TRAF3IP1: variants seen among roughly 807,000 people sequenced by gnomAD.
The protein encoded by TRAF3IP1 is intraflagellar transport 54.
TRAF3IP1 carries 53 observed loss-of-function variants against 89.9 expected under a neutral mutation model. The observed-to-expected ratio is 0.59, with a 90% CI of 0.47 to 0.74. TRAF3IP1 has a LOEUF of 0.74. Among genes scored for constraint, TRAF3IP1 ranks in the 30% least tolerant of loss-of-function variants. TRAF3IP1 has a pLI of 0.00. For missense variants in TRAF3IP1, 806 were observed against 866.1 expected (o/e 0.93, Z 0.87); for synonymous variants, 311 against 322.1 (o/e 0.97, Z 0.37).
At chr2:238,342,159 T>C (rs1698690603) in intron 8 of TRAF3IP1, among the ~76,000 whole-genome samples, 1 of 151,734 alleles carries the variant, frequency 6.6e-6, no homozygotes, top group South Asian at 2.1e-4. Context: ...CAGCTAATTT[T>C]TGTGTTTTCA....
intron 15 of TRAF3IP1, among the ~76,000 whole-genome samples, chr2:238,365,111 G>C (rs552600169): frequency 1.3e-5 from 2 of 152,204 alleles, no homozygotes; most frequent in Non-Finnish European, 2.9e-5. Flanking sequence ...AATTGTTGAT[G>C]AAAGTCAGGG....
At chr2:238,370,262 T>C (rs1700051986) in intron 15 of TRAF3IP1, among the ~76,000 whole-genome samples, 1 of 147,484 alleles carries the variant, frequency 6.8e-6, no homozygotes. Flanking sequence ...TGTGTGTGCA[T>C]GTCTATGTGA....
intron 8 of TRAF3IP1, among the ~76,000 whole-genome samples, chr2:238,343,909 T>C (rs1288156324): frequency 6.6e-6 from 1 of 152,022 alleles, no homozygotes. Flanking sequence ...TCCTCCCACC[T>C]AGGCCTCCCA....
At chr2:238,346,119 A>G (rs1698882800) in intron 9 of TRAF3IP1, among the ~76,000 whole-genome samples, 1 of 152,048 alleles carries the variant, frequency 6.6e-6, no homozygotes, top group Admixed American at 6.6e-5. Context: ...GCCTGCCCCC[A>G]GGTCGCACGA....
rs144937460 is a variant in TRAF3IP1 at position 238,359,829 on chromosome 2, G to A, written c.1689+3749G>A. ...TAGTACCAAACCCTGTATATACCATGTTTTTTCATGATACGTTCCGATGAT... is the reference window on the plus strand; with the variant it reads ...TAGTACCAAACCCTGTATATACCATATTTTTTCATGATACGTTCCGATGAT... On this transcript the variant is annotated intron_variant, in intron 15 of 16. Coordinates refer to ENST00000373327, the MANE Select transcript of TRAF3IP1 (RefSeq NM_015650.4). Among the ~76,000 whole-genome samples the A allele has an allele frequency of 1.2e-3, 178 of 152,254 alleles. 1 individual carries two copies. Among genetic ancestry groups the A allele is most frequent in the Middle Eastern group, 0.01 (3 of 294 alleles).
At chr2:238,388,669 C>T (rs1700876939) in intron 15 of TRAF3IP1, among the ~76,000 whole-genome samples, 1 of 145,056 alleles carries the variant, frequency 6.9e-6, no homozygotes. Context: ...GTGATCTCAG[C>T]TCACTACATC....
intron 15 of TRAF3IP1, among the ~76,000 whole-genome samples, chr2:238,390,001 T>C (rs1213952973): frequency 6.6e-6 from 1 of 152,122 alleles, no homozygotes; most frequent in African/African-American, 2.4e-5. Flanking sequence ...TTCTGAAAAG[T>C]GTGTGCGCAC....
intron 15 of TRAF3IP1, among the ~76,000 whole-genome samples, chr2:238,356,419 C>T (rs1699410105): frequency 6.6e-6 from 1 of 152,124 alleles, no homozygotes; most frequent in African/African-American, 2.4e-5. Flanking sequence ...ATCGCTTGAA[C>T]CTGGGAGGTG....
chr2:238,320,749 G>A lies in TRAF3IP1; in HGVS notation c.87G>A (p.Lys29=). 1.4e-6 allele frequency: 2 copies of A among 1,440,712 alleles called. No homozygotes were observed. Among genetic ancestry groups the A allele is most frequent in the Non-Finnish European group, 1.8e-6 (2 of 1,084,574 alleles). The allele number at this position is 1,440,712 out of a possible 1,614,324, so 89.2% of individuals were successfully genotyped here. A position where few individuals can be genotyped will look rare whatever the true frequency, so the allele number is the denominator to read the frequency against. The change falls in exon 1 of 17, where the codon AAG becomes AAA. Residue 29 remains lysine (K), a synonymous_variant. Coordinates refer to ENST00000373327, the MANE Select transcript of TRAF3IP1 (RefSeq NM_015650.4). ...CGCTGACCGAGAAGCTGCTGAGCAA[G>A]CCCCCGTTCCGCTACCTGCACGACA... ...RPPLTEKLLS[K]PPFRYLHDII... is the part of the protein sequence containing the mutation.
rs1439706005 is a variant in TRAF3IP1 at position 238,320,725 on chromosome 2, G to A, written c.63G>A (p.Pro21=). The A allele has an allele frequency of 2.1e-6, 3 of 1,450,902 alleles. No homozygotes were observed. Among genetic ancestry groups the A allele is most frequent in the African/African-American group, 1.5e-5 (1 of 67,618 alleles). The allele number at this position is 1,450,902 out of a possible 1,614,324, so 89.9% of individuals were successfully genotyped here. A position where few individuals can be genotyped will look rare whatever the true frequency, so the allele number is the denominator to read the frequency against. Residue 21 remains proline (P), a synonymous_variant, in exon 1 of 17, where the codon CCG becomes CCA. Coordinates refer to ENST00000373327, the MANE Select transcript of TRAF3IP1 (RefSeq NM_015650.4). ...EALGKVIRRP[P]LTEKLLSKPP... ...TGGGGAAAGTGATTCGGAGGCCGCC[G>A]CTGACCGAGAAGCTGCTGAGCAAGC...
At chr2:238,366,647 A>G (rs765309006) in intron 15 of TRAF3IP1, among the ~76,000 whole-genome samples, 1 of 151,984 alleles carries the variant, frequency 6.6e-6, no homozygotes, top group African/African-American at 2.4e-5. Flanking sequence ...GGTTTTTTAG[A>G]TTTTAGTCAG....
At chr2:238,375,749 T>G (rs1559386630) in intron 15 of TRAF3IP1, among the ~76,000 whole-genome samples, 1 of 152,216 alleles carries the variant, frequency 6.6e-6, no homozygotes, top group Non-Finnish European at 1.5e-5. Flanking sequence ...TCTTTTCTCT[T>G]ATGGTTAATG....
intron 15 of TRAF3IP1, among the ~76,000 whole-genome samples, chr2:238,365,056 T>C (rs1001413985): frequency 3.3e-5 from 5 of 152,256 alleles, no homozygotes; most frequent in African/African-American, 9.6e-5. Flanking sequence ...GAACAAGTTA[T>C]GTTTTAATTA....
intron 1 of TRAF3IP1, 87 bp from the exon 2 acceptor site, chr2:238,325,219 C>A: frequency 7.8e-7 from 1 of 1,281,368 alleles, no homozygotes; most frequent in Non-Finnish European, 1.1e-6. Context: ...TCAATTCTGA[C>A]ATCTCCCAAG....
At position 238,329,251 on chromosome 2, in the gene TRAF3IP1, A is replaced by G; in HGVS notation, c.824A>G (p.Lys275Arg). The G allele has an allele frequency of 6.5e-7, 1 of 1,537,994 alleles. No individual in the cohort carries two copies. The highest frequency in any genetic ancestry group is 8.7e-7 in the Non-Finnish European group (1 of 1,146,902). The change falls in exon 5 of 17, where the codon AAG becomes AGG. Residue 275 changes from lysine to arginine, a missense_variant. Lys to Arg is a conservative substitution (Grantham distance 26). This residue lies in a region of TRAF3IP1 where 732 missense variants were observed against 780.5 expected (regional missense o/e 0.94). Transcript: ENST00000373327. ...CGAGAGCGCGACCGGGACAAAGGGA[A>G]GGACAGGGACAGACGGAGAGTGAAA... ...RDRERDRDKGKDRDRRRVKNG... is the reference protein window; with the variant it reads ...RDRERDRDKGRDRDRRRVKNG...
chr2:238,388,981 A>G (rs756070132), intron 15 of TRAF3IP1, among the ~76,000 whole-genome samples: 2 of 152,212 alleles, frequency 1.3e-5, no homozygotes, highest in Non-Finnish European at 2.9e-5. Flanking sequence ...TCCTGAGGTC[A>G]TGAGAGAGTA....
chr2:238,349,733 A>G (rs755241518), intron 12 of TRAF3IP1, among the ~76,000 whole-genome samples: 16 of 152,226 alleles, frequency 1.1e-4, no homozygotes, highest in Admixed American at 2.0e-4. Flanking sequence ...GAAAAAAATT[A>G]GGGGCTTAAT....
chr2:238,344,497 G>C lies in TRAF3IP1; in HGVS notation c.1160G>C (p.Gly387Ala), dbSNP rs772259614. ...PNQETTTSEI[G>A]TKEANINSTS... is the part of the protein sequence containing the mutation. Reference sequence around the variant, plus strand: ...CTAATTTTAAACTGTTTTATGTCAGGAACAAAAGAAGCTAATATTAACTCA... The same window carrying C: ...CTAATTTTAAACTGTTTTATGTCAGCAACAAAAGAAGCTAATATTAACTCA... Residue 387 changes from glycine (G) to alanine (A), a missense_variant and splice_region_variant, in exon 9 of 17, where the codon GGA becomes GCA. Coordinates refer to ENST00000373327, the MANE Select transcript of TRAF3IP1 (RefSeq NM_015650.4). 6.2e-7 allele frequency: 1 copy of C among 1,613,256 alleles called. No homozygotes were observed. The highest frequency in any genetic ancestry group is 2.2e-5 in the East Asian group (1 of 44,892).
Position 238,399,168 on chromosome 2 carries a change from A to G in TRAF3IP1, c.*249A>G, listed in dbSNP as rs1701368737. The G allele has an allele frequency of 2.8e-6, 1 of 359,490 alleles. No individual in the cohort carries two copies. Among genetic ancestry groups the G allele is most frequent in the Admixed American group, 4.5e-5 (1 of 22,330 alleles). The allele number at this position is 359,490 out of a possible 1,614,324, so 22.3% of individuals were successfully genotyped here. ...AGCGCTTCCAAACACCTCTGTGAAA[A>G]GTTTTTTTGAAAGCCTGTTCTTTGT... On this transcript the variant is annotated 3_prime_UTR_variant, in exon 17 of 17. Coordinates refer to ENST00000373327, the MANE Select transcript of TRAF3IP1 (RefSeq NM_015650.4).
Sources: gnomAD v4.1 joint callset for allele counts (sites outside exome capture counted in the v4.1 genomes callset) on GRCh38, gnomAD v4.1.1 for gene constraint, gnomAD v4.1.1 regional missense constraint, MANE v1.5 for transcripts, NCBI Gene and HGNC (gene_info 2026-07-23, HGNC 2026-07-21) for gene names.